The following DDAH1 variants were observed in gnomAD, a reference collection of about 807,000 sequenced individuals.
DDAH1 encodes the protein dimethylarginine dimethylaminohydrolase 1, also known as N(G),N(G)-dimethylarginine dimethylaminohydrolase 1.
A neutral mutation model predicts 28.8 loss-of-function variants in DDAH1; 19 were observed. The observed-to-expected ratio is 0.66, with a 90% confidence interval of 0.46 to 0.97. The LOEUF (loss-of-function observed/expected upper bound fraction) is 0.97, where lower values mean the gene tolerates loss of function less well. DDAH1 is among the 50% of genes least tolerant of loss of function. The probability of loss-of-function intolerance (pLI) is 0.00; values close to 1 mark genes in which losing one functional copy is unlikely to be tolerated. For missense variants in DDAH1, 326 were observed against 375.9 expected (o/e 0.87, Z 1.10); for synonymous variants, 153 against 154.4 (o/e 0.99, Z 0.07).
chr1:85,560,271 T>C (rs1659101367), intron 1 of DDAH1, among the ~76,000 whole-genome samples: 1 of 151,824 alleles, frequency 6.6e-6, no homozygotes, highest in Non-Finnish European at 1.5e-5. Context: ...TTTAGAAAAA[T>C]AAAAGCAAAC....
At chr1:85,459,774 T>C (rs2100686224) in intron 1 of DDAH1, among the ~76,000 whole-genome samples, 1 of 152,318 alleles carries the variant, frequency 6.6e-6, no homozygotes, top group East Asian at 1.9e-4. Context: ...CTAGGCCATT[T>C]AGGGGGTTAT....
At chr1:85,539,104 C>G (rs61783700) in intron 1 of DDAH1, among the ~76,000 whole-genome samples, 26,347 of 152,084 alleles carry the variant, frequency 0.17, 2,678 homozygotes, top group Non-Finnish European at 0.23. Context: ...TTAGTTCCAT[C>G]TCTTTCTCAG....
intron 1 of DDAH1, among the ~76,000 whole-genome samples, chr1:85,553,811 T>C (rs768959510): frequency 2.0e-5 from 3 of 152,196 alleles, no homozygotes; most frequent in Admixed American, 2.0e-4. Context: ...TAACTGGATA[T>C]GTGATCTGGA....
Position 85,350,533 on chromosome 1 carries a change from T to G in DDAH1, c.479A>C (p.Asp160Ala). 6.2e-7 allele frequency: 1 copy of G among 1,612,650 alleles called. No homozygotes were observed. The highest frequency in any genetic ancestry group is 8.5e-7 in the Non-Finnish European group (1 of 1,179,586). ...GAEILADTFK[D>A]YAVSTVPVAD... ...CACTGGCACTGTGGAGACTGCATAG[T>G]CCTACGTGGACAATAGAAAAACAAG... Residue 160 changes from aspartate to alanine, a missense_variant and splice_region_variant, in exon 4 of 6, where the codon GAC (aspartate) becomes GCC (alanine). Transcript: ENST00000284031.
At chr1:85,523,296 C>G (rs1192690987) in intron 1 of DDAH1, among the ~76,000 whole-genome samples, 1 of 152,118 alleles carries the variant, frequency 6.6e-6, no homozygotes, top group Non-Finnish European at 1.5e-5. Flanking sequence ...AGAAGTAAGT[C>G]TGAGTCTCTA....
At chr1:85,548,223 G>A (rs1658683200) in intron 1 of DDAH1, among the ~76,000 whole-genome samples, 1 of 152,076 alleles carries the variant, frequency 6.6e-6, no homozygotes, top group Non-Finnish European at 1.5e-5. Flanking sequence ...TAAAAACAGT[G>A]GCTAACATTA....
chr1:85,443,508 G>A (rs1422197762), intron 1 of DDAH1, among the ~76,000 whole-genome samples: 1 of 152,094 alleles, frequency 6.6e-6, no homozygotes, highest in Admixed American at 6.5e-5. Flanking sequence ...TTGGCAATGG[G>A]GGCTCTTTGT....
chr1:85,501,877 A>C (rs1469151792), intron 1 of DDAH1, among the ~76,000 whole-genome samples: 3 of 152,142 alleles, frequency 2.0e-5, no homozygotes, highest in African/African-American at 7.2e-5. Context: ...TTTGCTCATC[A>C]TCTCCTGTTT....
At chr1:85,544,860 TA>T (rs1421945048) in intron 1 of DDAH1, among the ~76,000 whole-genome samples, 1 of 152,090 alleles carries the variant, frequency 6.6e-6, no homozygotes, top group African/African-American at 2.4e-5. Flanking sequence ...GGAGTCCCCT[TA>T]AAATTCCCAA....
chr1:85,546,488 A>G (rs1437773154), intron 1 of DDAH1, among the ~76,000 whole-genome samples: 1 of 152,172 alleles, frequency 6.6e-6, no homozygotes, highest in Non-Finnish European at 1.5e-5. Flanking sequence ...ATGAACTAAG[A>G]CATTATTGTT....
At chr1:85,508,794 G>C (rs1160431196) in intron 1 of DDAH1, among the ~76,000 whole-genome samples, 1 of 152,238 alleles carries the variant, frequency 6.6e-6, no homozygotes, top group Non-Finnish European at 1.5e-5. Flanking sequence ...GCTGAGGCTT[G>C]AGTAGGTAAA....
intron 1 of DDAH1, chr1:85,400,068 T>C (rs1651994643): frequency 6.6e-6 from 1 of 152,092 alleles, no homozygotes; most frequent in Non-Finnish European, 1.5e-5. Context: ...CAGCCAATTG[T>C]TTAGCAAAAA....
At chr1:85,560,379 G>A (rs1257825451) in intron 1 of DDAH1, among the ~76,000 whole-genome samples, 1 of 151,954 alleles carries the variant, frequency 6.6e-6, no homozygotes, top group Admixed American at 6.6e-5. Context: ...TCTATACAAA[G>A]GAATAATGAA....
At chr1:85,438,113 G>A (rs1362807720) in intron 1 of DDAH1, among the ~76,000 whole-genome samples, 1 of 152,192 alleles carries the variant, frequency 6.6e-6, no homozygotes, top group Non-Finnish European at 1.5e-5. Context: ...TCACTTATAT[G>A]TGGGAGCTAA....
intron 1 of DDAH1, among the ~76,000 whole-genome samples, chr1:85,536,271 C>T (rs1658273335): frequency 1.3e-5 from 2 of 151,730 alleles, no homozygotes; most frequent in Non-Finnish European, 2.9e-5. Flanking sequence ...AATTAAAAAG[C>T]CTGCTGGGTG....
chr1:85,461,989 T>A (rs1004392939), intron 1 of DDAH1, among the ~76,000 whole-genome samples: 5 of 152,226 alleles, frequency 3.3e-5, no homozygotes, highest in Non-Finnish European at 5.9e-5. Context: ...TCTCCAGGCC[T>A]CAGTTTCACC....
intron 1 of DDAH1, among the ~76,000 whole-genome samples, chr1:85,500,138 CTTTCTTTCTTTT>C (rs1428222434): frequency 4.1e-5 from 3 of 72,746 alleles, no homozygotes; most frequent in Non-Finnish European, 8.6e-5. Context: ...TTCTTTCTTT[CTTTCTTTCTTTT>C]CTTTCTTTCT....
intron 1 of DDAH1, among the ~76,000 whole-genome samples, chr1:85,457,464 C>T (rs1654939513): frequency 6.6e-6 from 1 of 152,100 alleles, no homozygotes; most frequent in South Asian, 2.1e-4. Context: ...CTGTGACATC[C>T]TCAGGGGCAG....
At chr1:85,538,170 G>GC (rs1380700693) in intron 1 of DDAH1, among the ~76,000 whole-genome samples, 96 of 152,328 alleles carry the variant, frequency 6.3e-4, no homozygotes, top group Non-Finnish European at 1.2e-3. Flanking sequence ...GCCACTGTCT[G>GC]CAAGTATATA....
Sources: gnomAD v4.1 joint callset for allele counts (sites outside exome capture counted in the v4.1 genomes callset) on GRCh38, gnomAD v4.1.1 for gene constraint, MANE v1.5 for transcripts, NCBI Gene and HGNC (gene_info 2026-07-23, HGNC 2026-07-21) for gene names.